The following TRRAP variants were observed in gnomAD, a reference collection of about 807,000 sequenced individuals.
TRRAP encodes transformation/transcription domain-associated protein.
In TRRAP, 41 loss-of-function variants were observed where a neutral mutation model predicts 438.8. The ratio of observed to expected loss-of-function variants is 0.09; its 90% CI spans 0.07 to 0.12. The LOEUF is 0.12. Among genes scored for constraint, TRRAP ranks in the 10% least tolerant of loss-of-function variants. The pLI is 1.00. For synonymous variants in TRRAP, 1,994 were observed against 1,962.9 expected (o/e 1.02, Z -0.42); for missense variants, 3,122 against 5,055.1 (o/e 0.62, Z 11.60).
rs142228209 is a variant in TRRAP, at chr7:98,928,639, T to C, written c.3175+1273T>C. 5.3e-4 allele frequency among the ~76,000 whole-genome samples: 81 copies of C among 152,332 alleles called. 1 individual carries two copies. The East Asian group carries it at 0.015, about 28-fold the overall frequency. ...CTCTGCCATAGCTGGATGCCGTTGC[T>C]TTTTGTTGTTGTATGTTAGGAATAT... On this transcript the variant is annotated intron_variant, in intron 23 of 72. Transcript: ENST00000456197.
intron 56 of TRRAP, 57 bp from the exon 57 acceptor site, chr7:98,978,154 G>A (rs1792754503): frequency 3.5e-6 from 5 of 1,448,406 alleles, no homozygotes; most frequent in Admixed American, 2.0e-5. Flanking sequence ...AATTTAAAAA[G>A]AAAGAAAAGG....
intron 28 of TRRAP, among the ~76,000 whole-genome samples, chr7:98,936,766 T>C (rs1790574927): frequency 6.6e-6 from 1 of 152,188 alleles, no homozygotes; most frequent in South Asian, 2.1e-4. Context: ...CTTCTTCTCA[T>C]CTGAAGACGT....
intron 3 of TRRAP, among the ~76,000 whole-genome samples, chr7:98,886,589 G>A (rs982497935): frequency 4.6e-5 from 7 of 152,102 alleles, no homozygotes; most frequent in Non-Finnish European, 8.8e-5. Flanking sequence ...TGCAATCTGT[G>A]TATCAACATT....
At position 98,965,851 on chromosome 7, in the gene TRRAP, G is replaced by T. The variant is rs776548082; in HGVS notation, c.7132G>T (p.Val2378Leu). 6.2e-7 allele frequency: 1 copy of T among 1,614,146 alleles called. No individual in the cohort carries two copies. The highest frequency in any genetic ancestry group is 1.1e-5 in the South Asian group (1 of 91,070). ...AKILRAVVKI[V>L]EEWVKNNSPM... is the part of the protein sequence containing the mutation. ...AATCCTCCGGGCTGTGGTCAAAATCGTGGAAGAATGGGTCAAGAATAACTC... is the reference window on the plus strand; with the variant it reads ...AATCCTCCGGGCTGTGGTCAAAATCTTGGAAGAATGGGTCAAGAATAACTC... The change falls in exon 49 of 73, where the codon GTG becomes TTG. Residue 2378 changes from valine to leucine, a missense_variant. Val to Leu is a conservative substitution (Grantham distance 32). Around this residue, in one of 24 missense-constraint regions of TRRAP, gnomAD observed 992 missense variants for 1,281.2 expected, o/e 0.77. Transcript: ENST00000456197.
chr7:98,961,615 A>T (rs1791895304), intron 46 of TRRAP, 141 bp downstream of exon 46: 2 of 1,103,504 alleles, frequency 1.8e-6, no homozygotes, highest in East Asian at 5.1e-5. Context: ...TTCTTTTAAA[A>T]ACTGACATGG....
chr7:98,914,310 G>A (rs1789418993), intron 18 of TRRAP, among the ~76,000 whole-genome samples: 1 of 151,968 alleles, frequency 6.6e-6, no homozygotes, highest in Non-Finnish European at 1.5e-5. Flanking sequence ...CGAAGAGAGA[G>A]GATCGTTTGA....
chr7:98,992,311 C>T (rs1033570560), intron 65 of TRRAP, 84 bp downstream of exon 65: 65 of 1,402,650 alleles, frequency 4.6e-5, no homozygotes, highest in Non-Finnish European at 6.4e-5. Flanking sequence ...CCACCGCAGC[C>T]ACCCCTGCCC....
chr7:98,972,947 G>A (rs1468020840), intron 53 of TRRAP, among the ~76,000 whole-genome samples: 1 of 152,142 alleles, frequency 6.6e-6, no homozygotes, highest in Non-Finnish European at 1.5e-5. Context: ...GTGAGTGATA[G>A]CTCTCATGTT....
chr7:98,962,234 TC>T, intron 46 of TRRAP, 67 bp from the exon 47 acceptor site: 2 of 1,607,510 alleles, frequency 1.2e-6, no homozygotes. Flanking sequence ...CAGCACTCAG[TC>T]CCTGGCATCA....
At chr7:98,939,899 T>G (rs1554415162) in intron 30 of TRRAP, among the ~76,000 whole-genome samples, 1 of 152,208 alleles carries the variant, frequency 6.6e-6, no homozygotes, top group Non-Finnish European at 1.5e-5. Context: ...TTTTTATTTT[T>G]GAGACAGAGT....
rs1791648597 is a variant in TRRAP, at chr7:98,956,990, A to G, written c.6231+457A>G. Among the ~76,000 whole-genome samples the G allele has an allele frequency of 6.6e-6, 1 of 151,966 alleles. No homozygotes were observed. Among genetic ancestry groups the G allele is most frequent in the Admixed American group, 6.6e-5 (1 of 15,262 alleles). On this transcript the variant is annotated intron_variant, in intron 43 of 72. Coordinates refer to ENST00000456197, the MANE Select transcript of TRRAP (RefSeq NM_001375524.1). This position sits in a 1 kb window ranked among gnomAD's most constrained non-coding sequence, Gnocchi z 4.5. Reference sequence around the variant, plus strand: ...CATGGACCTGCTGGCTTGTGGACGCAGGCCTGGCCACCCTACTTCTGGCTT... The same window carrying G: ...CATGGACCTGCTGGCTTGTGGACGCGGGCCTGGCCACCCTACTTCTGGCTT...
rs1276533392 is a variant in TRRAP, at chr7:98,967,151, C to T, written c.7287C>T (p.Asn2429=). The change falls in exon 50 of 73, where the codon AAC becomes AAT. Residue 2429 remains asparagine, a synonymous_variant. Coordinates refer to ENST00000456197, the MANE Select transcript of TRRAP (RefSeq NM_001375524.1). ...ATGCCCAGTTTTTAGATCTTGTTAA[C>T]TATGTCTACAGGTAATTACAGCAAT... The part of the protein sequence containing the change: ...ELNAQFLDLV[N]YVYRDETLSG... 8 of 1,613,784 alleles carry T rather than the reference C, an allele frequency of 5.0e-6. No individual in the cohort carries two copies. Among genetic ancestry groups the T allele is most frequent in the Non-Finnish European group, 6.8e-6 (8 of 1,179,942 alleles).
At chr7:98,932,970 T>G (rs554358906) in intron 26 of TRRAP, among the ~76,000 whole-genome samples, 1 of 151,414 alleles carries the variant, frequency 6.6e-6, no homozygotes, top group African/African-American at 2.4e-5. Context: ...TCTGGTAGTT[T>G]TATTCTTGTT....
intron 70 of TRRAP, among the ~76,000 whole-genome samples, chr7:99,009,054 G>GT (rs1452235937): frequency 6.6e-6 from 1 of 152,172 alleles, no homozygotes; most frequent in Non-Finnish European, 1.5e-5. Context: ...GGGCCCAGCT[G>GT]TTTCGGTTGC....
chr7:98,943,984 C>T (rs1554416236), intron 31 of TRRAP, among the ~76,000 whole-genome samples: 1 of 152,178 alleles, frequency 6.6e-6, no homozygotes. Flanking sequence ...AGTCTTGTTT[C>T]CTACTGCTTC....
At chr7:98,968,455 G>T (rs1290937082) in intron 51 of TRRAP, among the ~76,000 whole-genome samples, 1 of 152,212 alleles carries the variant, frequency 6.6e-6, no homozygotes, top group Non-Finnish European at 1.5e-5. Context: ...TGAAAGCGAG[G>T]TCCAGACCTA....
chr7:98,901,129 T>C (rs1255250812), intron 11 of TRRAP, among the ~76,000 whole-genome samples: 2 of 152,232 alleles, frequency 1.3e-5, no homozygotes, highest in African/African-American at 4.8e-5. Flanking sequence ...AAAAATCCCA[T>C]AGGCTAGGTT....
chr7:98,887,434 C>G (rs1562925585), intron 3 of TRRAP, among the ~76,000 whole-genome samples: 1 of 152,078 alleles, frequency 6.6e-6, no homozygotes, highest in Admixed American at 6.6e-5. Flanking sequence ...AAACACAGTT[C>G]TTCTGCCCCA....
chr7:99,011,896 C>T lies in TRRAP; in HGVS notation c.11338-175C>T, dbSNP rs1794444507. Among the ~76,000 whole-genome samples the T allele has an allele frequency of 6.6e-6, 1 of 152,226 alleles. No individual in the cohort carries two copies. Among genetic ancestry groups the T allele is most frequent in the South Asian group, 2.1e-4 (1 of 4,832 alleles). ...TCCAAGTGGAGGAAGGGGTTTGTCC[C>T]CCAGCGGCTTCCCCAGCCCGTCCTG... is the stretch of plus-strand genomic sequence containing the variant. On this transcript the variant is annotated intron_variant, in intron 72 of 72. Coordinates refer to ENST00000456197, the MANE Select transcript of TRRAP (RefSeq NM_001375524.1). This position sits in a 1 kb window ranked among gnomAD's most constrained non-coding sequence, Gnocchi z 7.1.
Sources: gnomAD v4.1 joint callset for allele counts (sites outside exome capture counted in the v4.1 genomes callset) on GRCh38, gnomAD v4.1.1 for gene constraint, gnomAD v4.1.1 regional missense constraint, Gnocchi (gnomAD v3.1) non-coding constraint, MANE v1.5 for transcripts, NCBI Gene and HGNC (gene_info 2026-07-23, HGNC 2026-07-21) for gene names.